The following CNKSR3 variants were observed in gnomAD, a reference collection of about 807,000 sequenced individuals.
The protein encoded by CNKSR3 is CNKSR family member 3.
Under a neutral mutation model 67.7 loss-of-function variants are expected in CNKSR3, and 36 were observed. The ratio of observed to expected loss-of-function variants is 0.53; its 90% CI spans 0.41 to 0.70. The LOEUF (loss-of-function observed/expected upper bound fraction) is 0.70, where lower values mean the gene tolerates loss of function less well. Among genes scored for constraint, CNKSR3 ranks in the 30% least tolerant of loss-of-function variants. CNKSR3 has a pLI of 0.00. For missense variants in CNKSR3, 630 were observed against 695.2 expected (o/e 0.91, Z 1.05); for synonymous variants, 281 against 271.4 (o/e 1.04, Z -0.35).
At position 154,404,072 on chromosome 6, in the gene CNKSR3, G is replaced by A. The variant is rs1784746100; in HGVS notation, c.*2282C>T. ...TCCTCATCACCAGTGCCCTACACGA[G>A]ACCTCCCCAGCCCACACCCCACCCT... is the stretch of plus-strand genomic sequence containing the variant. On this transcript the variant is annotated 3_prime_UTR_variant, in exon 13 of 13. Transcript: ENST00000607772. 6.6e-6 allele frequency: 1 copy of A among 152,192 alleles called. No homozygotes were observed. Among genetic ancestry groups the A allele is most frequent in the African/African-American group, 2.4e-5 (1 of 41,412 alleles). 9.4% of individuals were successfully genotyped at this position (152,192 alleles called of 1,614,324 possible). A position where few individuals can be genotyped will look rare whatever the true frequency, so the allele number is the denominator to read the frequency against.
At position 154,423,327 on chromosome 6, in the gene CNKSR3, G is replaced by A. The variant is rs1785186129; in HGVS notation, c.730-344C>T. The stretch of plus-strand genomic sequence containing the variant: ...TCACCCAGGCTGGAGGGCAATGGTG[G>A]ATCTCAGCTCACTGCAACCTCCACT... On this transcript the variant is annotated intron_variant, in intron 7 of 12. Coordinates refer to ENST00000607772, the MANE Select transcript of CNKSR3 (RefSeq NM_173515.4). Among the ~76,000 whole-genome samples the A allele has an allele frequency of 2.0e-5, 3 of 152,294 alleles. No individual in the cohort carries two copies. The South Asian group carries it at 6.2e-4, about 32-fold the overall frequency.
intron 4 of CNKSR3, among the ~76,000 whole-genome samples, chr6:154,440,346 T>C (rs994340819): frequency 1.3e-5 from 2 of 152,108 alleles, no homozygotes; most frequent in African/African-American, 2.4e-5. Context: ...TAGAAACAAA[T>C]GTGGAAACAG....
chr6:154,464,553 A>T (rs1196699872), intron 1 of CNKSR3, among the ~76,000 whole-genome samples: 2 of 151,308 alleles, frequency 1.3e-5, no homozygotes, highest in East Asian at 3.9e-4. Context: ...CATCTCTACT[A>T]AAATACAAAA....
intron 1 of CNKSR3, among the ~76,000 whole-genome samples, chr6:154,456,481 T>C (rs891807774): frequency 3.3e-5 from 5 of 150,734 alleles, no homozygotes; most frequent in African/African-American, 4.9e-5. Flanking sequence ...GTGGATCACT[T>C]GAGGTCAGGA....
At chr6:154,452,107 G>A (rs1785847227) in intron 1 of CNKSR3, among the ~76,000 whole-genome samples, 1 of 152,168 alleles carries the variant, frequency 6.6e-6, no homozygotes, top group Non-Finnish European at 1.5e-5. Context: ...ACCATGACAA[G>A]GGACAAGATT....
chr6:154,434,854 T>C (rs1446422104), intron 4 of CNKSR3, among the ~76,000 whole-genome samples: 2 of 152,228 alleles, frequency 1.3e-5, no homozygotes, highest in East Asian at 3.8e-4. Context: ...CAACTACCAT[T>C]ATGGCTCATC....
At chr6:154,465,328 A>G (rs1482633240) in intron 1 of CNKSR3, among the ~76,000 whole-genome samples, 1 of 139,780 alleles carries the variant, frequency 7.2e-6, no homozygotes, top group South Asian at 2.2e-4. Flanking sequence ...CTAATATTCA[A>G]AAGAATCTAC....
At position 154,411,039 on chromosome 6, in the gene CNKSR3, T is replaced by C. The variant is rs1346398269; in HGVS notation, c.1174A>G (p.Ser392Gly). The C allele has an allele frequency of 3.1e-6, 5 of 1,614,068 alleles. No homozygotes were observed. The highest frequency in any genetic ancestry group is 4.2e-6 in the Non-Finnish European group (5 of 1,180,038). Reference protein sequence around the residue: ...ESPNSFLDQESRRRRFTIADS... With the variant: ...ESPNSFLDQEGRRRRFTIADS... ...GCAATGGTGAATCTTCGTCTCCGGC[T>C]TTCCTGGTCCAAGAAGGAATTCGGG... The change falls in exon 11 of 13, where the codon AGC (serine) becomes GGC (glycine). Residue 392 changes from serine (S) to glycine (G), a missense_variant. Transcript: ENST00000607772.
intron 8 of CNKSR3, 93 bp from the exon 9 acceptor site, chr6:154,422,745 A>G: frequency 7.1e-7 from 1 of 1,411,894 alleles, no homozygotes; most frequent in East Asian, 2.3e-5. Context: ...CAGGGTTGTG[A>G]GCAGATACAT....
At chr6:154,445,638 C>T (rs553832654) in intron 2 of CNKSR3, among the ~76,000 whole-genome samples, 1 of 152,152 alleles carries the variant, frequency 6.6e-6, no homozygotes, top group Non-Finnish European at 1.5e-5. Context: ...GGATTAAGAG[C>T]ATTTTATTGT....
chr6:154,442,243 C>T lies in CNKSR3; in HGVS notation c.264G>A (p.Leu88=), dbSNP rs1167219454. ...TCTGTAAATTGTGGGAAGATGCTCT[C>T]AGTTTCAGAACCAAGTTCTTCATGT... ...TDNMKNLVLK[L]RASSHNLQNY... Residue 88 remains leucine, a synonymous_variant, in exon 3 of 13, where the codon CTG becomes CTA. Coordinates refer to ENST00000607772, the MANE Select transcript of CNKSR3 (RefSeq NM_173515.4). 1 of 1,614,204 alleles carries T rather than the reference C, an allele frequency of 6.2e-7. No homozygotes were observed.
chr6:154,491,598 T>C (rs1276067796), intron 1 of CNKSR3, among the ~76,000 whole-genome samples: 1 of 152,188 alleles, frequency 6.6e-6, no homozygotes, highest in Admixed American at 6.5e-5. Context: ...TCTACTTACA[T>C]GGGTAATTAT....
intron 1 of CNKSR3, among the ~76,000 whole-genome samples, chr6:154,508,875 C>G (rs1787154833): frequency 6.6e-6 from 1 of 152,160 alleles, no homozygotes. Context: ...AAGTCACAGG[C>G]GTGAGAAATG....
At chr6:154,446,228 A>G (rs778730214) in intron 2 of CNKSR3, among the ~76,000 whole-genome samples, 7 of 152,118 alleles carry the variant, frequency 4.6e-5, no homozygotes, top group Non-Finnish European at 8.8e-5. Context: ...AATGGGAGAA[A>G]AGGAAAGCAA....
intron 7 of CNKSR3, among the ~76,000 whole-genome samples, chr6:154,426,656 G>A (rs962025400): frequency 2.0e-5 from 3 of 152,196 alleles, no homozygotes; most frequent in Non-Finnish European, 2.9e-5. Flanking sequence ...CACCCGGCCC[G>A]TCTTTTCTTT....
intron 3 of CNKSR3, 89 bp downstream of exon 3, chr6:154,441,999 G>T: frequency 1.6e-6 from 2 of 1,220,034 alleles, no homozygotes; most frequent in Non-Finnish European, 2.3e-6. Flanking sequence ...AAGAACAATG[G>T]TTCCTTTTCC....
intron 12 of CNKSR3, among the ~76,000 whole-genome samples, chr6:154,408,214 G>A (rs972151934): frequency 2.0e-5 from 3 of 151,918 alleles, no homozygotes; most frequent in South Asian, 2.1e-4. Flanking sequence ...TAGTAGAGAC[G>A]GGGTTTCACC....
chr6:154,410,292 G>A (rs372666416), intron 12 of CNKSR3, 51 bp downstream of exon 12: 225 of 1,310,312 alleles, frequency 1.7e-4, no homozygotes, highest in Middle Eastern at 3.7e-4. Flanking sequence ...CAGGCCCTGG[G>A]GCTGTTCACT....
intron 1 of CNKSR3, among the ~76,000 whole-genome samples, chr6:154,481,079 T>C (rs1232126153): frequency 1.3e-5 from 2 of 152,196 alleles, no homozygotes; most frequent in Non-Finnish European, 2.9e-5. Context: ...AGCAGTCTTA[T>C]GCTTATTCGA....
Sources: allele counts gnomAD v4.1 joint callset (sites outside exome capture counted in the v4.1 genomes callset), GRCh38; gene constraint gnomAD v4.1.1; transcripts MANE v1.5; gene names NCBI Gene and HGNC (gene_info 2026-07-23, HGNC 2026-07-21).